GABRB2: variants seen among roughly 807,000 people sequenced by gnomAD.
GABRB2 encodes the protein gamma-aminobutyric acid type A receptor subunit beta2, also known as gamma-aminobutyric acid receptor subunit beta-2.
GABRB2 carries 16 observed loss-of-function variants against 54.7 expected under a neutral mutation model. The observed-to-expected ratio is 0.29, with a 90% confidence interval of 0.20 to 0.44. The LOEUF is 0.44. Ranked by LOEUF, GABRB2 falls within the 20% of genes least tolerant of loss-of-function variation. GABRB2 has a pLI of 1.00. For synonymous variants in GABRB2, 244 were observed against 233.8 expected, an observed-to-expected ratio of 1.04 and a Z score of -0.40; for missense variants, 355 against 644.0, an observed-to-expected ratio of 0.55 and a Z score of 4.86.
intron 5 of GABRB2, among the ~76,000 whole-genome samples, chr5:161,397,561 C>T (rs1353254056): frequency 6.6e-6 from 1 of 152,004 alleles, no homozygotes; most frequent in Non-Finnish European, 1.5e-5. Flanking sequence ...TTAAAGAAGT[C>T]CTGTTTATCA....
At chr5:161,357,661 GAGATAA>G (rs1754676518) in intron 5 of GABRB2, among the ~76,000 whole-genome samples, 1 of 152,078 alleles carries the variant, frequency 6.6e-6, no homozygotes, top group Non-Finnish European at 1.5e-5. Flanking sequence ...ACCCAAATAA[GAGATAA>G]TGGTAGCTTA....
At chr5:161,401,510 A>G (rs1361810984) in intron 5 of GABRB2, among the ~76,000 whole-genome samples, 1 of 152,128 alleles carries the variant, frequency 6.6e-6, no homozygotes, top group Non-Finnish European at 1.5e-5. Flanking sequence ...GTTATTTGCC[A>G]TAGTGATACC....
At position 161,289,670 on chromosome 5, in the gene GABRB2, T is replaced by C. The variant is rs1255523830; in HGVS notation, c.*4411A>G. 3 of 152,128 alleles carry C rather than the reference T, an allele frequency of 2.0e-5. No homozygotes were observed. The highest frequency in any genetic ancestry group is 4.4e-5 in the Non-Finnish European group (3 of 68,018). The allele number at this position is 152,128 out of a possible 1,614,324, so 9.4% of individuals were successfully genotyped here. On this transcript the variant is annotated 3_prime_UTR_variant, in exon 10 of 10. Coordinates refer to ENST00000393959, the MANE Select transcript of GABRB2 (RefSeq NM_001371727.1). The stretch of plus-strand genomic sequence containing the variant: ...AAGTTATCAATGATCATTTTTGCTT[T>C]TCCCAATTGCCATTTCAAAGGCTAT...
At chr5:161,532,426 C>A (rs922222575) in intron 3 of GABRB2, among the ~76,000 whole-genome samples, 1 of 152,054 alleles carries the variant, frequency 6.6e-6, no homozygotes, top group Non-Finnish European at 1.5e-5. Flanking sequence ...CCTAAAACAG[C>A]GATCCTCCCA....
chr5:161,404,970 G>A (rs1330457928), intron 5 of GABRB2, among the ~76,000 whole-genome samples: 2 of 152,026 alleles, frequency 1.3e-5, no homozygotes, highest in South Asian at 2.1e-4. Flanking sequence ...TACAGAATAC[G>A]GCAGCCCATC....
At chr5:161,333,204 G>T (rs184508133) in intron 7 of GABRB2, among the ~76,000 whole-genome samples, 38 of 152,236 alleles carry the variant, frequency 2.5e-4, no homozygotes, top group African/African-American at 8.7e-4. Context: ...TTGGAAAAAT[G>T]GGATATTTGC....
At chr5:161,540,348 T>C (rs1243875704) in intron 3 of GABRB2, among the ~76,000 whole-genome samples, 1 of 152,244 alleles carries the variant, frequency 6.6e-6, no homozygotes, top group Non-Finnish European at 1.5e-5. Flanking sequence ...GATCATGAGA[T>C]TGCAGCAATT....
Position 161,290,476 on chromosome 5 carries a change from G to C in GABRB2, c.*3605C>G, listed in dbSNP as rs552251719. On this transcript the variant is annotated 3_prime_UTR_variant, in exon 10 of 10. Transcript: ENST00000393959. ...AACTGTAGGCATTGATTTGCTGATA[G>C]AGAAATGCTCAGTACCCTGTATTAC... 6.6e-6 allele frequency: 1 copy of C among 152,644 alleles called. No homozygotes were observed. Among genetic ancestry groups the C allele is most frequent in the African/African-American group, 2.4e-5 (1 of 41,538 alleles). The allele number at this position is 152,644 out of a possible 1,614,324, so 9.5% of individuals were successfully genotyped here. A position where few individuals can be genotyped will look rare whatever the true frequency, so the allele number is the denominator to read the frequency against.
rs188869259 is a variant in GABRB2, at chr5:161,317,198, A to G, written c.1191+9170T>C. Among the ~76,000 whole-genome samples, 106 of 152,298 alleles carry G rather than the reference A, an allele frequency of 7.0e-4. No individual in the cohort carries two copies. The East Asian group carries it at 0.02, about 28-fold the overall frequency. On this transcript the variant is annotated intron_variant, in intron 9 of 9. Transcript: ENST00000393959. ...ATATACTAGTTGTAACAATTACTCAATATGAGTACAGTGTATGTTATTTGG... is the reference window on the plus strand; with the variant it reads ...ATATACTAGTTGTAACAATTACTCAGTATGAGTACAGTGTATGTTATTTGG...
intron 9 of GABRB2, among the ~76,000 whole-genome samples, chr5:161,297,264 C>T (rs929911356): frequency 6.6e-6 from 1 of 152,036 alleles, no homozygotes; most frequent in African/African-American, 2.4e-5. Context: ...AATACTTCAA[C>T]TTAAAATAGA....
At position 161,439,504 on chromosome 5, in the gene GABRB2, T is replaced by C. The variant is rs539462530; in HGVS notation, c.458+20120A>G. ...AGAAAGTACAAAGAAAAACACAGAA[T>C]AGTATAACAATGTAACTGGGGTGTG... On this transcript the variant is annotated intron_variant, in intron 4 of 9. Coordinates refer to ENST00000393959, the MANE Select transcript of GABRB2 (RefSeq NM_001371727.1). Among the ~76,000 whole-genome samples the C allele has an allele frequency of 1.3e-5, 2 of 152,242 alleles. 1 individual carries two copies. The highest frequency in any genetic ancestry group is 4.1e-4 in the South Asian group (2 of 4,822).
intron 3 of GABRB2, among the ~76,000 whole-genome samples, chr5:161,510,421 A>C (rs1759734161): frequency 6.6e-6 from 1 of 151,974 alleles, no homozygotes; most frequent in Non-Finnish European, 1.5e-5. Context: ...ATGTTGTTGC[A>C]AATGACAGCA....
intron 9 of GABRB2, among the ~76,000 whole-genome samples, chr5:161,323,276 G>C (rs1325371216): frequency 6.6e-6 from 1 of 152,062 alleles, no homozygotes. Context: ...GCCCATCTCA[G>C]CCTCCCAAAG....
At chr5:161,312,629 G>A (rs141171830) in intron 9 of GABRB2, among the ~76,000 whole-genome samples, 52 of 152,240 alleles carry the variant, frequency 3.4e-4, no homozygotes, top group African/African-American at 8.7e-4. Flanking sequence ...ACTTTTTCAC[G>A]TTAGTAAAAT....
At chr5:161,509,156 C>T (rs1169466954) in intron 3 of GABRB2, among the ~76,000 whole-genome samples, 3 of 151,932 alleles carry the variant, frequency 2.0e-5, no homozygotes, top group Non-Finnish European at 4.4e-5. Flanking sequence ...AAAATTCACC[C>T]TTTGATTAAA....
rs1394278861 is a variant in GABRB2, at chr5:161,472,784, C to A, written c.238-12940G>T. Among the ~76,000 whole-genome samples, 4 of 151,926 alleles carry A rather than the reference C, an allele frequency of 2.6e-5. No homozygotes were observed. The South Asian group carries it at 6.2e-4, about 24-fold the overall frequency. ...AAATAATTCAACTGGAGAAATATGTCCAACAAACTAAAACATGCTCAGCAT... is the reference window on the plus strand; with the variant it reads ...AAATAATTCAACTGGAGAAATATGTACAACAAACTAAAACATGCTCAGCAT... On this transcript the variant is annotated intron_variant, in intron 3 of 9. Coordinates refer to ENST00000393959, the MANE Select transcript of GABRB2 (RefSeq NM_001371727.1).
chr5:161,380,880 T>C (rs1004796990), intron 5 of GABRB2, among the ~76,000 whole-genome samples: 16 of 150,514 alleles, frequency 1.1e-4, no homozygotes, highest in Non-Finnish European at 2.2e-4. Flanking sequence ...AAAAAAGGGC[T>C]TTACTGAATG....
intron 4 of GABRB2, among the ~76,000 whole-genome samples, chr5:161,453,085 G>A (rs985727106): frequency 6.6e-6 from 1 of 152,124 alleles, no homozygotes. Context: ...TTTTGGAATA[G>A]ACCATATTTC....
At chr5:161,379,177 C>T (rs1241448294) in intron 5 of GABRB2, among the ~76,000 whole-genome samples, 1 of 152,140 alleles carries the variant, frequency 6.6e-6, no homozygotes, top group Non-Finnish European at 1.5e-5. Flanking sequence ...AGCTGGTGCT[C>T]AGTGAAAGAC....
Sources: allele counts gnomAD v4.1 joint callset (sites outside exome capture counted in the v4.1 genomes callset), GRCh38; gene constraint gnomAD v4.1.1; transcripts MANE v1.5; gene names NCBI Gene and HGNC (gene_info 2026-07-23, HGNC 2026-07-21).